The following CEP85 variants were observed in gnomAD, a reference collection of about 807,000 sequenced individuals.
CEP85 encodes centrosomal protein of 85 kDa.
A neutral mutation model predicts 93.7 loss-of-function variants in CEP85; 58 were observed. That is an observed-to-expected ratio of 0.62 (90% confidence interval 0.50 to 0.77). CEP85 has a LOEUF of 0.77. Ranked by LOEUF, CEP85 falls within the 30% of genes least tolerant of loss-of-function variation. The pLI, the probability that CEP85 is intolerant of heterozygous loss-of-function variation, is 0.00. For missense variants in CEP85, 868 were observed against 922.0 expected, an observed-to-expected ratio of 0.94 and a Z score of 0.76; for synonymous variants, 314 against 338.6, an observed-to-expected ratio of 0.93 and a Z score of 0.80.
At chr1:26,240,632 T>C (rs930887891) in intron 2 of CEP85, among the ~76,000 whole-genome samples, 1 of 152,252 alleles carries the variant, frequency 6.6e-6, no homozygotes, top group Non-Finnish European at 1.5e-5. Context: ...CTGTGGCTCA[T>C]GCCTGTAATC....
Position 26,255,696 on chromosome 1 carries a change from G to A in CEP85, c.734G>A (p.Ser245Asn). Residue 245 changes from serine (S) to asparagine (N), a missense_variant, in exon 4 of 14, where the codon AGT becomes AAT. Physicochemically the swap from Ser to Asn is conservative, Grantham distance 46. Transcript: ENST00000451429. ...FERNGPHSNS[S>N]GVLPLGLQPA... The stretch of plus-strand genomic sequence containing the variant: ...CGGAATGGACCACATTCTAATAGCA[G>A]TGGGGTCCTCCCTTTGGGACTCCAG... 2.5e-6 allele frequency: 4 copies of A among 1,614,182 alleles called. 1 individual carries two copies. The highest frequency in any genetic ancestry group is 2.7e-5 in the African/African-American group (2 of 75,038).
rs1267799054 is a variant in CEP85 at position 26,235,670 on chromosome 1, T to G, written c.-23+1360T>G. Among the ~76,000 whole-genome samples, 5 of 148,804 alleles carry G rather than the reference T, an allele frequency of 3.4e-5. No individual in the cohort carries two copies. In the Admixed American group the frequency reaches 3.5e-4, roughly 10 times the overall value. Reference sequence around the variant, plus strand: ...TCACCGCAACCTCCGCCTCCCAGGTTCAAGCGATTCTCCTGCCTCAGCCTC... The same window carrying G: ...TCACCGCAACCTCCGCCTCCCAGGTGCAAGCGATTCTCCTGCCTCAGCCTC... On this transcript the variant is annotated intron_variant, in intron 1 of 13. Transcript: ENST00000451429.
chr1:26,256,928 G>GGGGTGTGTGTGTGTGTGTGTGTGT (rs1553159974), intron 4 of CEP85, among the ~76,000 whole-genome samples: 1 of 111,404 alleles, frequency 9.0e-6, no homozygotes, highest in African/African-American at 3.4e-5. Context: ...GTTTTGTTTT[G>GGGGTGTGTGTGTGTGTGTGTGTGT]GTGTGTGTGT....
chr1:26,240,169 G>T (rs2089399783), intron 2 of CEP85, among the ~76,000 whole-genome samples: 1 of 152,078 alleles, frequency 6.6e-6, no homozygotes, highest in Non-Finnish European at 1.5e-5. Context: ...CCTCTGGGTG[G>T]GTCAGTCATC....
chr1:26,250,925 C>CCTTTTTTTTTTTT (rs2089598435), intron 3 of CEP85, among the ~76,000 whole-genome samples: 39 of 55,132 alleles, frequency 7.1e-4, no homozygotes, highest in African/African-American at 2.2e-3. Flanking sequence ...TTTTTTTTTT[C>CCTTTTTTTTTTTT]TTTTTTCTTT....
intron 3 of CEP85, among the ~76,000 whole-genome samples, chr1:26,254,022 T>G (rs1331983868): frequency 6.6e-6 from 1 of 151,806 alleles, no homozygotes; most frequent in South Asian, 2.1e-4. Context: ...AATGAGAAGG[T>G]CGTAGCTGAT....
rs1003845437 is a variant in CEP85, at chr1:26,275,046, A to G, written c.1877A>G (p.Gln626Arg). 6.3e-7 allele frequency: 1 copy of G among 1,580,974 alleles called. No homozygotes were observed. Among genetic ancestry groups the G allele is most frequent in the Non-Finnish European group, 8.6e-7 (1 of 1,163,366 alleles). The change falls in exon 12 of 14, where the codon CAG becomes CGG. Residue 626 changes from glutamine (Q) to arginine (R), a missense_variant. Coordinates refer to ENST00000451429, the MANE Select transcript of CEP85 (RefSeq NM_001319944.2). ...GCCCAGCGAAGGGATTCAGCCCTGC[A>G]GCAGCTGCGCACAGCCGTGAAGGAG... ...EEAQRRDSAL[Q>R]QLRTAVKELS... is the part of the protein sequence containing the mutation.
intron 4 of CEP85, 111 bp downstream of exon 4, chr1:26,255,976 A>T (rs2089693826): frequency 1.1e-6 from 1 of 909,012 alleles, no homozygotes; most frequent in Non-Finnish European, 1.6e-6. Context: ...AAAAGAAGGA[A>T]GATGTTTGTA....
At chr1:26,234,838 A>G (rs564546970) in intron 1 of CEP85, among the ~76,000 whole-genome samples, 1 of 152,268 alleles carries the variant, frequency 6.6e-6, no homozygotes, top group African/African-American at 2.4e-5. Context: ...TTACCCCGGT[A>G]CTTCTCGGCC....
chr1:26,240,574 A>G (rs2089405987), intron 2 of CEP85, among the ~76,000 whole-genome samples: 1 of 152,186 alleles, frequency 6.6e-6, no homozygotes, highest in Non-Finnish European at 1.5e-5. Flanking sequence ...ATTAAAAAAA[A>G]AAATTGGTTG....
intron 1 of CEP85, among the ~76,000 whole-genome samples, chr1:26,235,651 C>T (rs1262532571): frequency 6.7e-6 from 1 of 149,288 alleles, no homozygotes; most frequent in Non-Finnish European, 1.5e-5. Flanking sequence ...CGGCTCACCG[C>T]AACCTCCGCC....
At chr1:26,244,883 T>G (rs1408093149) in intron 3 of CEP85, among the ~76,000 whole-genome samples, 1 of 152,136 alleles carries the variant, frequency 6.6e-6, no homozygotes. Flanking sequence ...GCCAGATTAT[T>G]TTTGCTAAAA....
At chr1:26,236,636 G>A (rs2089331033) in intron 1 of CEP85, among the ~76,000 whole-genome samples, 1 of 152,020 alleles carries the variant, frequency 6.6e-6, no homozygotes. Flanking sequence ...TGAGATATTT[G>A]TTGTCAATGA....
At chr1:26,258,483 A>G (rs555482732) in intron 6 of CEP85, among the ~76,000 whole-genome samples, 13 of 152,336 alleles carry the variant, frequency 8.5e-5, no homozygotes, top group Admixed American at 2.0e-4. Flanking sequence ...GTGTGAAGAC[A>G]TACTTGGAAG....
At position 26,255,496 on chromosome 1, in the gene CEP85, G is replaced by A; in HGVS notation, c.534G>A (p.Lys178=). ...VGHERQEEAR[K]FDIPSMESTL... ...ATGAAAGACAAGAAGAGGCGAGGAAGTTTGATATTCCTAGCATGGAATCTA... is the reference window on the plus strand; with the variant it reads ...ATGAAAGACAAGAAGAGGCGAGGAAATTTGATATTCCTAGCATGGAATCTA... The change falls in exon 4 of 14, where the codon AAG becomes AAA. Residue 178 remains lysine, a synonymous_variant. Coordinates refer to ENST00000451429, the MANE Select transcript of CEP85 (RefSeq NM_001319944.2). 6.2e-7 allele frequency: 1 copy of A among 1,614,154 alleles called. No homozygotes were observed. The highest frequency in any genetic ancestry group is 1.1e-5 in the South Asian group (1 of 91,086).
In CEP85 at chr1:26,256,928, G is replaced by GGTGTGT. The variant is rs71004573; in HGVS notation, c.904-646_904-641dup. Among the ~76,000 whole-genome samples the GGTGTGT allele has an allele frequency of 3.3e-4, 37 of 111,490 alleles. 2 individuals are homozygous for GGTGTGT. The highest frequency in any genetic ancestry group is 1.2e-3 in the East Asian group (5 of 4,202). The allele number at this position is 111,490 out of a possible 152,430, so 73.1% of individuals were successfully genotyped here. On this transcript the variant is annotated intron_variant, in intron 4 of 13. Transcript: ENST00000451429. ...TCCTTTTTTTGTTTTGTTTTGTTTT[G>GGTGTGT]GTGTGTGTGTGTGTGTGTGTGTGTG...
chr1:26,242,143 T>C (rs910334369), intron 2 of CEP85, among the ~76,000 whole-genome samples: 2 of 152,098 alleles, frequency 1.3e-5, no homozygotes, highest in Admixed American at 1.3e-4. Context: ...CAAATAACTC[T>C]TTGGAATTAG....
At chr1:26,271,352 A>T (rs1210827486) in intron 10 of CEP85, 1 of 409,164 alleles carries the variant, frequency 2.4e-6, no homozygotes, top group Non-Finnish European at 4.5e-6. Flanking sequence ...ATGCCTCTGA[A>T]TATCTAGATT....
Position 26,275,078 on chromosome 1 carries a change from A to G in CEP85, c.1902+7A>G, listed in dbSNP as rs369578882. 39 of 1,559,282 alleles carry G rather than the reference A, an allele frequency of 2.5e-5. No homozygotes were observed. The highest frequency in any genetic ancestry group is 4.1e-5 in the African/African-American group (3 of 73,276). On this transcript the variant is annotated splice_region_variant and intron_variant, in intron 12 of 13. Transcript: ENST00000451429. ...GCGCACAGCCGTGAAGGAGGTGAGC[A>G]ACATTAGTCAGACCTCTTGGTTTTG...
Sources: allele counts gnomAD v4.1 joint callset (sites outside exome capture counted in the v4.1 genomes callset), GRCh38; gene constraint gnomAD v4.1.1; transcripts MANE v1.5; gene names NCBI Gene and HGNC (gene_info 2026-07-23, HGNC 2026-07-21).